HERPUD2: variants seen among roughly 807,000 people sequenced by gnomAD.
The protein encoded by HERPUD2 is homocysteine-responsive endoplasmic reticulum-resident ubiquitin-like domain member 2 protein.
In HERPUD2, 13 loss-of-function variants were observed where a neutral mutation model predicts 49.9. The observed-to-expected ratio is 0.26, with a 90% CI of 0.17 to 0.41. The LOEUF is 0.41. Among genes scored for constraint, HERPUD2 ranks in the 10% least tolerant of loss-of-function variants. HERPUD2 has a pLI of 1.00. For missense variants in HERPUD2, 449 were observed against 492.2 expected (o/e 0.91, Z 0.83); for synonymous variants, 172 against 171.4 (o/e 1.00, Z -0.03).
chr7:35,672,982 A>C (rs1159394363), intron 3 of HERPUD2, among the ~76,000 whole-genome samples: 4 of 152,134 alleles, frequency 2.6e-5, no homozygotes, highest in East Asian at 1.9e-4. Flanking sequence ...TGAATACATA[A>C]TCGTACTTCA....
At chr7:35,662,529 T>A (rs1785446670) in intron 5 of HERPUD2, among the ~76,000 whole-genome samples, 2 of 152,354 alleles carry the variant, frequency 1.3e-5, no homozygotes, top group South Asian at 4.1e-4. Context: ...TGGTAGGCTA[T>A]TAATTATTGC....
chr7:35,635,110 C>T, intron 7 of HERPUD2, 25 bp downstream of exon 7: 1 of 1,582,942 alleles, frequency 6.3e-7, no homozygotes, highest in Non-Finnish European at 8.7e-7. Flanking sequence ...AATTAAACCA[C>T]AAAAAGTTAA....
At chr7:35,658,174 C>T (rs1785323612) in intron 5 of HERPUD2, among the ~76,000 whole-genome samples, 1 of 152,090 alleles carries the variant, frequency 6.6e-6, no homozygotes, top group South Asian at 2.1e-4. Context: ...CTGTCATTTG[C>T]AGCAACACAA....
chr7:35,659,279 T>C (rs549004463), intron 5 of HERPUD2, among the ~76,000 whole-genome samples: 17 of 152,338 alleles, frequency 1.1e-4, no homozygotes, highest in African/African-American at 4.1e-4. Context: ...ATGTTCATTG[T>C]TGAACTGAAT....
rs1264597899 is a variant in HERPUD2, at chr7:35,635,335, G to A, written c.741C>T (p.Ala247=). 6.2e-7 allele frequency: 1 copy of A among 1,613,980 alleles called. No homozygotes were observed. The change falls in exon 7 of 9, where the codon GCC becomes GCT. Residue 247 remains alanine (A), a synonymous_variant. Transcript: ENST00000311350. The part of the protein sequence containing the change: ...EEPPPAPNLV[A]QENRPMNENV... ...TCTCATTCATGGGTCGATTTTCTTG[G>A]GCCACTAGGTTTGGAGCTGGTGGGG...
chr7:35,682,250 C>CGT (rs139063446), intron 2 of HERPUD2, among the ~76,000 whole-genome samples: 2 of 67,470 alleles, frequency 3.0e-5, no homozygotes, highest in African/African-American at 7.0e-5. Flanking sequence ...CACATACACA[C>CGT]GTGTGTGTGT....
chr7:35,654,425 C>T (rs1785231831), intron 5 of HERPUD2, among the ~76,000 whole-genome samples: 1 of 151,768 alleles, frequency 6.6e-6, no homozygotes. Context: ...AACAACTACA[C>T]ACTAATACAT....
At chr7:35,685,960 CT>C (rs373334047) in intron 2 of HERPUD2, among the ~76,000 whole-genome samples, 12,987 of 147,850 alleles carry the variant, frequency 0.088, 867 homozygotes, top group South Asian at 0.21. Flanking sequence ...GACCCTGTCT[CT>C]AAATAAATAA....
intron 2 of HERPUD2, among the ~76,000 whole-genome samples, chr7:35,693,821 A>G (rs1562691401): frequency 6.6e-6 from 1 of 152,220 alleles, no homozygotes; most frequent in East Asian, 1.9e-4. Flanking sequence ...TATTTTCAGT[A>G]GACATAGGGT....
intron 6 of HERPUD2, among the ~76,000 whole-genome samples, chr7:35,637,163 AT>A (rs1418817537): frequency 0.025 from 2,330 of 94,164 alleles, 26 homozygotes; most frequent in African/African-American, 0.052. Context: ...AGAAAGAAAG[AT>A]AGATAGATAG....
chr7:35,647,099 G>A (rs1785068168), intron 5 of HERPUD2, among the ~76,000 whole-genome samples: 1 of 152,094 alleles, frequency 6.6e-6, no homozygotes, highest in Non-Finnish European at 1.5e-5. Flanking sequence ...TAAAGGAACT[G>A]GAAACTTCAG....
chr7:35,649,305 G>A (rs1314957965), intron 5 of HERPUD2, among the ~76,000 whole-genome samples: 1 of 151,562 alleles, frequency 6.6e-6, no homozygotes, highest in Non-Finnish European at 1.5e-5. Flanking sequence ...ATATGTCCAA[G>A]CTGTATTATG....
intron 6 of HERPUD2, 76 bp from the exon 7 acceptor site, chr7:35,635,534 G>A (rs1784857766): frequency 4.1e-6 from 5 of 1,209,118 alleles, no homozygotes; most frequent in Non-Finnish European, 5.7e-6. Flanking sequence ...ACTTCTTGGG[G>A]AGCTATATGT....
intron 3 of HERPUD2, among the ~76,000 whole-genome samples, chr7:35,672,291 A>G (rs2115973789): frequency 6.6e-6 from 1 of 151,986 alleles, no homozygotes; most frequent in African/African-American, 2.4e-5. Context: ...GAGGAAAGAA[A>G]GAAAAAAAAA....
chr7:35,674,404 T>TATATAGAGAG (rs1785711309), intron 2 of HERPUD2, among the ~76,000 whole-genome samples: 4 of 38,136 alleles, frequency 1.0e-4, no homozygotes, highest in East Asian at 9.1e-4. Flanking sequence ...TATATATATA[T>TATATAGAGAG]AGAGAGAGAG....
At chr7:35,682,568 A>T (rs993216121) in intron 2 of HERPUD2, among the ~76,000 whole-genome samples, 3 of 151,596 alleles carry the variant, frequency 2.0e-5, no homozygotes, top group Non-Finnish European at 4.4e-5. Flanking sequence ...TAGCCAGACC[A>T]ATCAGACAAG....
chr7:35,683,927 C>T (rs535806172), intron 2 of HERPUD2, among the ~76,000 whole-genome samples: 34 of 152,256 alleles, frequency 2.2e-4, no homozygotes, highest in African/African-American at 7.7e-4. Flanking sequence ...GGCGTGGCAG[C>T]GGTGAACAGG....
At chr7:35,656,692 T>C (rs766294735) in intron 5 of HERPUD2, among the ~76,000 whole-genome samples, 8 of 152,150 alleles carry the variant, frequency 5.3e-5, no homozygotes, top group Admixed American at 1.3e-4. Context: ...TTTCCTTTTT[T>C]CTTTTTTCTG....
chr7:35,669,295 T>A (rs761722954), intron 4 of HERPUD2, among the ~76,000 whole-genome samples: 2 of 152,180 alleles, frequency 1.3e-5, no homozygotes, highest in African/African-American at 2.4e-5. Flanking sequence ...ATTAAGAGAA[T>A]ACAAATTAAA....
Sources: gnomAD v4.1 joint callset for allele counts (sites outside exome capture counted in the v4.1 genomes callset) on GRCh38, gnomAD v4.1.1 for gene constraint, MANE v1.5 for transcripts, NCBI Gene and HGNC (gene_info 2026-07-23, HGNC 2026-07-21) for gene names.